Variants in SLC36A1 observed in about 807,000 individuals in gnomAD.
SLC36A1 encodes proton-coupled amino acid transporter 1.
Under a neutral mutation model 47.5 loss-of-function variants are expected in SLC36A1, and 30 were observed. That is an observed-to-expected ratio of 0.63 (90% CI 0.47 to 0.86). The LOEUF is 0.86. Among genes scored for constraint, SLC36A1 ranks in the 40% least tolerant of loss-of-function variants. SLC36A1 has a pLI of 0.00. For synonymous variants in SLC36A1, 255 were observed against 249.7 expected (o/e 1.02, Z -0.20); for missense variants, 517 against 606.0 (o/e 0.85, Z 1.54).
chr5:151,411,423 G>A, the SLC36A1 span, among the ~76,000 whole-genome samples: 1 of 144,646 alleles, frequency 6.9e-6, no homozygotes, highest in Non-Finnish European at 1.5e-5. Context: ...GGTGGCACCT[G>A]ACCTGAGCTG....
At chr5:151,386,368 T>C in the SLC36A1 span, among the ~76,000 whole-genome samples, 2 of 152,202 alleles carry the variant, frequency 1.3e-5, no homozygotes, top group Non-Finnish European at 2.9e-5. Context: ...TTCCTCCTGA[T>C]CCAGAGCTTT....
At chr5:151,425,303 C>T in the SLC36A1 span, 1 of 152,364 alleles carries the variant, frequency 6.6e-6, no homozygotes, top group African/African-American at 2.4e-5. Flanking sequence ...CCCAGCCCCT[C>T]TTACCAAGAT....
chr5:151,531,891 G>T, the SLC36A1 span: 1 of 1,614,194 alleles, frequency 6.2e-7, no homozygotes, highest in South Asian at 1.1e-5. The surrounding 1 kb of genome is among the most constrained non-coding windows in gnomAD (Gnocchi z 5.7). Context: ...TTTCCAGGCG[G>T]ATCACCCCCG....
At chr5:151,534,970 AATATATATAT>A in the SLC36A1 span, among the ~76,000 whole-genome samples, 100 of 106,418 alleles carry the variant, frequency 9.4e-4, 9 homozygotes, top group East Asian at 0.018. Flanking sequence ...CTTCTAGGAA[AATATATATAT>A]ATATATATAT....
intron 10 of SLC36A1, among the ~76,000 whole-genome samples, chr5:151,483,472 A>G (rs574132632): frequency 2.8e-5 from 4 of 144,908 alleles, no homozygotes; most frequent in African/African-American, 1.1e-4. Flanking sequence ...TGCATTTGTT[A>G]TACAAATGTC....
the SLC36A1 span, among the ~76,000 whole-genome samples, chr5:151,355,607 T>C: frequency 1.5e-4 from 23 of 152,190 alleles, no homozygotes; most frequent in African/African-American, 5.3e-4. Context: ...GTTCATAAAT[T>C]ATCCTAATTC....
the SLC36A1 span, among the ~76,000 whole-genome samples, chr5:151,344,785 G>C: frequency 6.6e-6 from 1 of 152,226 alleles, no homozygotes; most frequent in African/African-American, 2.4e-5. Context: ...AAGGCTCAGA[G>C]AGGGGCAGAA....
the SLC36A1 span, among the ~76,000 whole-genome samples, chr5:151,414,024 T>C: frequency 3.1e-4 from 47 of 152,220 alleles, no homozygotes; most frequent in Non-Finnish European, 6.0e-4. Context: ...AATACACATA[T>C]AACAAATACT....
chr5:151,479,547 A>T (rs764236433), intron 10 of SLC36A1, 58 bp downstream of exon 10: 2 of 1,576,762 alleles, frequency 1.3e-6, no homozygotes, highest in African/African-American at 2.7e-5. Flanking sequence ...CCCAGTCTGC[A>T]GGCTTTCATG....
At chr5:151,521,849 C>A in the SLC36A1 span, 1 of 1,614,230 alleles carries the variant, frequency 6.2e-7, no homozygotes, top group Non-Finnish European at 8.5e-7. Flanking sequence ...CCATCAGGCG[C>A]ACCCACTGAG....
intron 1 of SLC36A1, among the ~76,000 whole-genome samples, chr5:151,439,471 G>A (rs1752495216): frequency 6.6e-6 from 1 of 151,890 alleles, no homozygotes; most frequent in Admixed American, 6.6e-5. Flanking sequence ...TGGCCAACAT[G>A]GTCAAATCCC....
At chr5:151,477,991 C>T (rs570470823) in intron 9 of SLC36A1, among the ~76,000 whole-genome samples, 104 of 152,322 alleles carry the variant, frequency 6.8e-4, no homozygotes, top group African/African-American at 2.4e-3. Context: ...GTCCAGACTT[C>T]ACAGCTCTCC....
chr5:151,554,427 C>G, the SLC36A1 span: 1 of 1,614,222 alleles, frequency 6.2e-7, no homozygotes, highest in Non-Finnish European at 8.5e-7. Flanking sequence ...GTGACCAGGT[C>G]GATACTGAAG....
the SLC36A1 span, among the ~76,000 whole-genome samples, chr5:151,390,308 C>T: frequency 6.6e-6 from 1 of 152,034 alleles, no homozygotes; most frequent in African/African-American, 2.4e-5. Flanking sequence ...GGATATTAGC[C>T]CTTTGTCAGA....
At chr5:151,505,505 G>A in the SLC36A1 span, 19 of 1,600,182 alleles carry the variant, frequency 1.2e-5, no homozygotes, top group South Asian at 1.8e-4. Flanking sequence ...TACGAGACAG[G>A]AAGAAATAAG....
chr5:151,475,327 ATTGT>A (rs1561771576), intron 8 of SLC36A1, among the ~76,000 whole-genome samples: 1 of 152,216 alleles, frequency 6.6e-6, no homozygotes, highest in Non-Finnish European at 1.5e-5. Flanking sequence ...CAGCGCAGAA[ATTGT>A]TTGCTTGGTT....
the SLC36A1 span, among the ~76,000 whole-genome samples, chr5:151,551,979 GT>G: frequency 1.9e-4 from 27 of 140,514 alleles, no homozygotes; most frequent in African/African-American, 7.2e-4. Context: ...CCCTAAGGGT[GT>G]GTGTGTGTGT....
chr5:151,522,174 T>A, the SLC36A1 span: 1 of 1,095,914 alleles, frequency 9.1e-7, no homozygotes, highest in Non-Finnish European at 1.3e-6. Context: ...TGGAGCTACG[T>A]TTCTCTGCCC....
the SLC36A1 span, chr5:151,511,948 C>A: frequency 3.5e-6 from 2 of 576,746 alleles, no homozygotes; most frequent in Non-Finnish European, 6.2e-6. Context: ...CCCTCATCCC[C>A]CCAGAAGTAG....
Sources: allele counts gnomAD v4.1 joint callset (sites outside exome capture counted in the v4.1 genomes callset), GRCh38; gene constraint gnomAD v4.1.1; non-coding constraint Gnocchi (gnomAD v3.1); transcripts MANE v1.5; gene names NCBI Gene and HGNC (gene_info 2026-07-23, HGNC 2026-07-21).